Variants in RBM47 observed in about 807,000 individuals in gnomAD.
The protein encoded by RBM47 is RNA binding motif protein 47, also known as RNA-binding protein 47.
A neutral mutation model predicts 47.1 loss-of-function variants in RBM47; 21 were observed. The observed-to-expected ratio is 0.45, with a 90% confidence interval of 0.32 to 0.64. The LOEUF (loss-of-function observed/expected upper bound fraction) is 0.64, where lower values mean the gene tolerates loss of function less well. Ranked by LOEUF, RBM47 falls within the 30% of genes least tolerant of loss-of-function variation. The pLI is 0.05. For synonymous variants in RBM47, 375 were observed against 361.7 expected, an observed-to-expected ratio of 1.04 and a Z score of -0.42; for missense variants, 708 against 870.9, an observed-to-expected ratio of 0.81 and a Z score of 2.35.
At chr4:40,604,831 C>T (rs1735612617) in intron 1 of RBM47, among the ~76,000 whole-genome samples, 1 of 152,166 alleles carries the variant, frequency 6.6e-6, no homozygotes, top group Non-Finnish European at 1.5e-5. Flanking sequence ...ATTCTCCTGC[C>T]TCAGCCTCCT....
At chr4:40,469,861 T>C (rs1718587892) in intron 2 of RBM47, among the ~76,000 whole-genome samples, 1 of 152,030 alleles carries the variant, frequency 6.6e-6, no homozygotes, top group Non-Finnish European at 1.5e-5. Context: ...TCTCTAACTC[T>C]TAACCTCAAG....
chr4:40,479,941 T>C (rs956759523), intron 2 of RBM47, among the ~76,000 whole-genome samples: 7 of 151,096 alleles, frequency 4.6e-5, no homozygotes, highest in Middle Eastern at 3.5e-3. Flanking sequence ...GCAACCCCCA[T>C]ACATAGGTTG....
chr4:40,595,425 T>C (rs950698153), intron 1 of RBM47, among the ~76,000 whole-genome samples: 1 of 146,280 alleles, frequency 6.8e-6, no homozygotes, highest in Non-Finnish European at 1.5e-5. Context: ...ACCCGGGAGG[T>C]GGAGGTTGCA....
At position 40,425,584 on chromosome 4, in the gene RBM47, T is replaced by C. The variant is rs1359778575; in HGVS notation, c.*320A>G. The C allele has an allele frequency of 5.0e-6, 1 of 201,860 alleles. No individual in the cohort carries two copies. Among genetic ancestry groups the C allele is most frequent in the South Asian group, 1.1e-4 (1 of 8,924 alleles). 12.5% of individuals were successfully genotyped at this position (201,860 alleles called of 1,614,324 possible). ...GCAGAAGTTAAGAAAATAACCTTCA[T>C]ACTGAAAATATATCCTTAAAAAAAC... On this transcript the variant is annotated 3_prime_UTR_variant, in exon 7 of 7. Transcript: ENST00000295971.
intron 1 of RBM47, among the ~76,000 whole-genome samples, chr4:40,592,441 T>A (rs1223824707): frequency 2.7e-5 from 4 of 149,582 alleles, no homozygotes; most frequent in African/African-American, 4.9e-5. Flanking sequence ...TTTTTTTTTT[T>A]AAGACAGAGT....
At chr4:40,565,013 G>T (rs1006982658) in intron 1 of RBM47, among the ~76,000 whole-genome samples, 3 of 152,200 alleles carry the variant, frequency 2.0e-5, no homozygotes, top group African/African-American at 7.2e-5. Flanking sequence ...TGAACGTGGG[G>T]ACTGAGCAGG....
intron 1 of RBM47, among the ~76,000 whole-genome samples, chr4:40,570,050 A>T (rs1376404413): frequency 4.6e-5 from 7 of 152,014 alleles, no homozygotes; most frequent in Admixed American, 1.3e-4. Context: ...CTAATGAGTG[A>T]GAGAGTCTGT....
chr4:40,534,565 G>A (rs948356973), intron 2 of RBM47, among the ~76,000 whole-genome samples: 1 of 152,142 alleles, frequency 6.6e-6, no homozygotes. Context: ...GCGAACTCCT[G>A]GGGACCTGGT....
At chr4:40,476,819 C>T (rs894755319) in intron 2 of RBM47, among the ~76,000 whole-genome samples, 3 of 152,116 alleles carry the variant, frequency 2.0e-5, no homozygotes, top group African/African-American at 7.2e-5. Flanking sequence ...GAAACTAACT[C>T]CTCCTAAAAC....
At chr4:40,531,722 A>G (rs1727407716) in intron 2 of RBM47, among the ~76,000 whole-genome samples, 1 of 152,206 alleles carries the variant, frequency 6.6e-6, no homozygotes, top group Admixed American at 6.5e-5. Context: ...AAAAAATTAA[A>G]ATCAGATGTC....
At chr4:40,497,771 C>A (rs886442756) in intron 2 of RBM47, among the ~76,000 whole-genome samples, 3 of 148,946 alleles carry the variant, frequency 2.0e-5, no homozygotes, top group Non-Finnish European at 4.5e-5. Flanking sequence ...CCCAGGAGTT[C>A]AAAACCAGCC....
intron 1 of RBM47, among the ~76,000 whole-genome samples, chr4:40,599,544 C>T (rs1313100852): frequency 6.6e-6 from 1 of 152,100 alleles, no homozygotes; most frequent in Non-Finnish European, 1.5e-5. Context: ...AGCTTCCAAA[C>T]CCAGGCCTGG....
chr4:40,438,492 G>A lies in RBM47; in HGVS notation c.402C>T (p.Tyr134=). The change falls in exon 4 of 7, where the codon TAC becomes TAT. Residue 134 remains tyrosine, a synonymous_variant. Transcript: ENST00000295971. ...AKRAVRELNN[Y]EIRPGRLLGV... is the part of the protein sequence containing the mutation. ...CGAGCAGGCGGCCCGGGCGGATCTC[G>A]TAGTTGTTGAGCTCACGCACTGCGC... 6.2e-7 allele frequency: 1 copy of A among 1,613,606 alleles called. No homozygotes were observed. Among genetic ancestry groups the A allele is most frequent in the Admixed American group, 1.7e-5 (1 of 60,020 alleles).
In RBM47 at chr4:40,429,688, C is replaced by CAAAAAAAA. The variant is rs60673202; in HGVS notation, c.1542+2955_1542+2962dup. 1.0e-4 allele frequency among the ~76,000 whole-genome samples: 4 copies of CAAAAAAAA among 38,102 alleles called. 1 individual carries two copies. Among genetic ancestry groups the CAAAAAAAA allele is most frequent in the African/African-American group, 5.0e-4 (3 of 5,966 alleles). 25.0% of individuals were successfully genotyped at this position (38,102 alleles called of 152,430 possible). A position where few individuals can be genotyped will look rare whatever the true frequency, so the allele number is the denominator to read the frequency against. ...TGGGTGACAAAGTGAGACTCCATCT[C>CAAAAAAAA]AAAAAAAAAAAAAAAAAAAAAAAAA... On this transcript the variant is annotated intron_variant, in intron 6 of 6. Transcript: ENST00000295971.
intron 1 of RBM47, among the ~76,000 whole-genome samples, chr4:40,617,456 G>C (rs1736855984): frequency 1.3e-5 from 2 of 151,982 alleles, no homozygotes; most frequent in South Asian, 4.2e-4. Context: ...CTACTCGGGA[G>C]GCTGAGGCAG....
intron 1 of RBM47, among the ~76,000 whole-genome samples, chr4:40,549,523 C>CG (rs1324467339): frequency 5.2e-5 from 7 of 134,372 alleles, no homozygotes; most frequent in African/African-American, 1.7e-4. Context: ...TTTGTTTGTT[C>CG]GTTTTTTTTT....
intron 5 of RBM47, among the ~76,000 whole-genome samples, 166 bp from the exon 6 acceptor site, chr4:40,433,028 A>G (rs1711596004): frequency 6.6e-6 from 1 of 152,048 alleles, no homozygotes; most frequent in Non-Finnish European, 1.5e-5. Flanking sequence ...TGGTGCGATC[A>G]AGGCTCACTG....
chr4:40,618,336 G>C (rs1486591152), intron 1 of RBM47, among the ~76,000 whole-genome samples: 3 of 151,832 alleles, frequency 2.0e-5, no homozygotes, highest in Non-Finnish European at 4.4e-5. Flanking sequence ...TGAGGCAGGA[G>C]GATTGATTGC....
intron 1 of RBM47, among the ~76,000 whole-genome samples, chr4:40,608,253 T>C (rs1386371446): frequency 6.6e-6 from 1 of 152,186 alleles, no homozygotes; most frequent in East Asian, 1.9e-4. Context: ...TGCCATGTTA[T>C]AGTACAGTGA....
Sources: allele counts gnomAD v4.1 joint callset (sites outside exome capture counted in the v4.1 genomes callset), GRCh38; gene constraint gnomAD v4.1.1; transcripts MANE v1.5; gene names NCBI Gene and HGNC (gene_info 2026-07-23, HGNC 2026-07-21).